EXOC2: variants seen among roughly 807,000 people sequenced by gnomAD.
EXOC2 encodes the protein SEC5-like 1.
EXOC2 carries 70 observed loss-of-function variants against 131.8 expected under a neutral mutation model. The ratio of observed to expected loss-of-function variants is 0.53; its 90% CI spans 0.44 to 0.65. EXOC2 has a LOEUF of 0.65. EXOC2 is among the 30% of genes least tolerant of loss of function. The pLI, the probability that EXOC2 is intolerant of heterozygous loss-of-function variation, is 0.00. For missense variants in EXOC2, 923 were observed against 1,108.6 expected (o/e 0.83, Z 2.38); for synonymous variants, 411 against 398.4 (o/e 1.03, Z -0.38).
intron 5 of EXOC2, among the ~76,000 whole-genome samples, 153 bp downstream of exon 5, chr6:619,277 G>T (rs1403534260): frequency 6.6e-6 from 1 of 152,188 alleles, no homozygotes; most frequent in African/African-American, 2.4e-5. Flanking sequence ...GACACCCTGA[G>T]ATGTTCACGG....
chr6:692,290 G>C (rs1286967236), intron 1 of EXOC2, among the ~76,000 whole-genome samples: 1 of 152,212 alleles, frequency 6.6e-6, no homozygotes, highest in Non-Finnish European at 1.5e-5. Context: ...TCAAAGACGA[G>C]TTCTTTCAAG....
chr6:628,769 T>C (rs914453713), intron 4 of EXOC2, among the ~76,000 whole-genome samples: 5 of 152,218 alleles, frequency 3.3e-5, no homozygotes, highest in African/African-American at 1.2e-4. Context: ...AGTCTATTCA[T>C]GCTTAAAACT....
intron 23 of EXOC2, among the ~76,000 whole-genome samples, chr6:509,673 T>G (rs1177246589): frequency 6.6e-6 from 1 of 152,248 alleles, no homozygotes; most frequent in African/African-American, 2.4e-5. Context: ...GAACGTGTTG[T>G]AATTACAATA....
At chr6:508,116 A>G (rs541149773) in intron 23 of EXOC2, among the ~76,000 whole-genome samples, 2 of 152,320 alleles carry the variant, frequency 1.3e-5, no homozygotes, top group Admixed American at 6.5e-5. Context: ...TCTGTAATCT[A>G]TAACAATTTT....
intron 1 of EXOC2, among the ~76,000 whole-genome samples, chr6:638,852 C>T (rs997963558): frequency 6.6e-6 from 1 of 152,144 alleles, no homozygotes; most frequent in African/African-American, 2.4e-5. Flanking sequence ...CTGCTTGAAC[C>T]CAGGAGGCGG....
intron 1 of EXOC2, among the ~76,000 whole-genome samples, chr6:673,027 A>G (rs1258986571): frequency 6.6e-6 from 1 of 152,110 alleles, no homozygotes; most frequent in African/African-American, 2.4e-5. Flanking sequence ...TGGGAGGCCA[A>G]GGCGGGCAGA....
At chr6:621,742 A>G (rs556674133) in intron 4 of EXOC2, among the ~76,000 whole-genome samples, 20 of 152,212 alleles carry the variant, frequency 1.3e-4, no homozygotes, top group South Asian at 4.1e-4. Context: ...TGTGGCATTC[A>G]TTACTTGCTG....
In EXOC2 at chr6:555,984, C is replaced by A. The variant is rs767208365; in HGVS notation, c.1962G>T (p.Glu654Asp). 3.5e-5 allele frequency: 57 copies of A among 1,613,978 alleles called. 1 individual carries two copies. In the South Asian group the frequency reaches 6.0e-4, roughly 17 times the overall value. ...TTATATTGATGCTTAGCTGGCAAACCTCCTCCTGTGTTTTAGGTTGTTGGA... is the reference window on the plus strand; with the variant it reads ...TTATATTGATGCTTAGCTGGCAAACATCCTCCTGTGTTTTAGGTTGTTGGA... ...SVFQQPKTQEEVCQLSINIMQ... is the reference protein window; with the variant it reads ...SVFQQPKTQEDVCQLSINIMQ... Residue 654 changes from glutamate to aspartate, a missense_variant, in exon 19 of 28, where the codon GAG (glutamate) becomes GAT (aspartate). Transcript: ENST00000230449.
intron 21 of EXOC2, among the ~76,000 whole-genome samples, chr6:551,096 G>C (rs1757118226): frequency 6.6e-6 from 1 of 152,228 alleles, no homozygotes; most frequent in Non-Finnish European, 1.5e-5. Context: ...TGGATGACTA[G>C]TCAAAAGCTT....
chr6:486,915 C>G, intron 27 of EXOC2, 151 bp from the exon 28 acceptor site: 1 of 461,018 alleles, frequency 2.2e-6, no homozygotes. Flanking sequence ...CTTAACTCAG[C>G]AAAAGAAACA....
At chr6:496,676 G>C (rs1323456547) in intron 25 of EXOC2, among the ~76,000 whole-genome samples, 1 of 152,020 alleles carries the variant, frequency 6.6e-6, no homozygotes, top group African/African-American at 2.4e-5. Flanking sequence ...GCCCACCAAT[G>C]GTCGTTCTCT....
chr6:498,935 T>C (rs1763886981), intron 24 of EXOC2, among the ~76,000 whole-genome samples: 2 of 152,124 alleles, frequency 1.3e-5, no homozygotes, highest in Admixed American at 6.5e-5. Context: ...AAGCAGTGAG[T>C]AACAAATCCT....
At chr6:624,187 A>G (rs945860579) in intron 4 of EXOC2, among the ~76,000 whole-genome samples, 1 of 152,184 alleles carries the variant, frequency 6.6e-6, no homozygotes, top group Non-Finnish European at 1.5e-5. Context: ...CCAATGCCAG[A>G]GTCCATGAAG....
intron 17 of EXOC2, among the ~76,000 whole-genome samples, chr6:560,064 G>T (rs1757621842): frequency 6.6e-6 from 1 of 152,136 alleles, no homozygotes; most frequent in African/African-American, 2.4e-5. Context: ...ATTAGGATAG[G>T]TCTATAGAAA....
At position 489,004 on chromosome 6, in the gene EXOC2, G is replaced by A; in HGVS notation, c.2656C>T (p.Gln886Ter). Residue 886 changes from glutamine to a stop codon, truncating the protein, a stop_gained, in exon 27 of 28, where the codon CAG (glutamine) becomes TAG (stop). Coordinates refer to ENST00000230449, the MANE Select transcript of EXOC2 (RefSeq NM_018303.6). LOFTEE classifies it high-confidence loss of function. ...TTTTTATCTGCTCCACTGGAAAGCT[G>A]GGGCAGGGCTTCCAAAGCCTGCTTA... The part of the protein sequence containing the change: ...SFKQALEALP[Q>*]LSSGADKKLL... 6.2e-7 allele frequency: 1 copy of A among 1,613,926 alleles called. No homozygotes were observed. The highest frequency in any genetic ancestry group is 8.5e-7 in the Non-Finnish European group (1 of 1,179,896).
chr6:603,352 C>T (rs1489156884), intron 7 of EXOC2, among the ~76,000 whole-genome samples: 4 of 152,144 alleles, frequency 2.6e-5, no homozygotes, highest in South Asian at 2.1e-4. Flanking sequence ...GATAGGCTGC[C>T]GGCTATACCA....
intron 1 of EXOC2, among the ~76,000 whole-genome samples, chr6:640,753 A>G (rs538716019): frequency 6.6e-6 from 1 of 152,228 alleles, no homozygotes; most frequent in South Asian, 2.1e-4. Context: ...CTCAAAAGAA[A>G]CCAACCCCAC....
chr6:593,326 G>A (rs976476475), intron 10 of EXOC2, among the ~76,000 whole-genome samples: 2 of 152,116 alleles, frequency 1.3e-5, no homozygotes, highest in Admixed American at 6.6e-5. Flanking sequence ...ATATGGCCAC[G>A]AGATGGCAGT....
At chr6:569,628 G>A (rs1758160147) in intron 13 of EXOC2, among the ~76,000 whole-genome samples, 2 of 152,202 alleles carry the variant, frequency 1.3e-5, no homozygotes, top group African/African-American at 4.8e-5. Context: ...AGTGTCCCCA[G>A]CTCCTCTGCT....
Sources: allele counts gnomAD v4.1 joint callset (sites outside exome capture counted in the v4.1 genomes callset), GRCh38; gene constraint gnomAD v4.1.1; transcripts MANE v1.5; gene names NCBI Gene and HGNC (gene_info 2026-07-23, HGNC 2026-07-21).